Variants in NR0B1 observed in about 807,000 individuals in gnomAD.
The protein encoded by NR0B1 is DSS-AHC critical region on the X chromosome protein 1.
Under a neutral mutation model 23.0 loss-of-function variants are expected in NR0B1, and 3 were observed. The observed-to-expected ratio is 0.13, with a 90% CI of 0.06 to 0.34. NR0B1 has a LOEUF of 0.34. NR0B1 is among the 10% of genes least tolerant of loss of function. The pLI, the probability that NR0B1 is intolerant of heterozygous loss-of-function variation, is 1.00. For synonymous variants in NR0B1, 205 were observed against 184.0 expected, an observed-to-expected ratio of 1.11 and a Z score of -0.92; for missense variants, 350 against 402.9, an observed-to-expected ratio of 0.87 and a Z score of 1.12.
intron 1 of NR0B1, among the ~76,000 whole-genome samples, chrX:30,307,712 C>G (rs1453398849): frequency 9.0e-6 from 1 of 111,414 alleles, no homozygotes; most frequent in Admixed American, 9.5e-5. Flanking sequence ...AATAGTCTCT[C>G]TATGGGACCC....
At position 30,308,389 on chromosome X, in the gene NR0B1, C is replaced by T. The variant is rs1457795746; in HGVS notation, c.975G>A (p.Arg325=). The change falls in exon 1 of 2, where the codon CGG becomes CGA. Residue 325 remains arginine (R), a synonymous_variant. Coordinates refer to ENST00000378970, the MANE Select transcript of NR0B1 (RefSeq NM_000475.5). ...GTGGCTCGTTGCCCCCGGTCTCCCG[C>T]CGCCTGGTGGTGAGGATCTTCTGCA... The part of the protein sequence containing the change: ...SMLQKILTTR[R]RETGGNEPLP... 2 of 1,208,770 alleles carry T rather than the reference C, an allele frequency of 1.7e-6. No homozygotes were observed. The highest frequency in any genetic ancestry group is 3.5e-5 in the South Asian group (2 of 56,668).
Position 30,304,714 on chromosome X carries a change from G to A in NR0B1, c.1278C>T (p.Phe426=), listed in dbSNP as rs1468067841. The change falls in exon 2 of 2, where the codon TTC becomes TTT. Residue 426 remains phenylalanine (F), a synonymous_variant. Coordinates refer to ENST00000378970, the MANE Select transcript of NR0B1 (RefSeq NM_000475.5). ...RMTHQGPHDR[F]IELNSTLFLL... is the part of the protein sequence containing the mutation. ...GGAAAAGGGTACTATTAAGTTCGAT[G>A]AATCTGTCATGGGGCCCTTGGTGCG... The A allele has an allele frequency of 8.3e-7, 1 of 1,211,394 alleles. No individual in the cohort carries two copies. Among genetic ancestry groups the A allele is most frequent in the South Asian group, 1.8e-5 (1 of 56,952 alleles).
At chrX:30,307,685 C>T (rs960787383) in intron 1 of NR0B1, among the ~76,000 whole-genome samples, 5 of 111,344 alleles carry the variant, frequency 4.5e-5, no homozygotes, top group African/African-American at 1.6e-4. Flanking sequence ...CATCTAGTGT[C>T]TTGTGTGTCC....
chrX:30,306,658 G>T (rs1926525255), intron 1 of NR0B1, among the ~76,000 whole-genome samples: 1 of 109,621 alleles, frequency 9.1e-6, no homozygotes, highest in Admixed American at 9.8e-5. Flanking sequence ...TGTTGATACT[G>T]AAACTAATGG....
At chrX:30,306,449 G>T (rs775022530) in intron 1 of NR0B1, among the ~76,000 whole-genome samples, 14 of 111,427 alleles carry the variant, frequency 1.3e-4, no homozygotes, top group Admixed American at 1.9e-4. Flanking sequence ...GCAAAGAGAG[G>T]CCACACTCTT....
intron 1 of NR0B1, chrX:30,305,632 T>C (rs1926504594): frequency 6.2e-6 from 2 of 322,656 alleles, no homozygotes; most frequent in Admixed American, 6.3e-5. Context: ...TGCAGTATAG[T>C]GTGATACCGA....
At chrX:30,305,703 A>G in intron 1 of NR0B1, 1 of 387,171 alleles carries the variant, frequency 2.6e-6, no homozygotes, top group East Asian at 4.8e-5. Flanking sequence ...TTATAAGGAA[A>G]GTAATAAGAG....
In NR0B1 at chrX:30,309,151, T is replaced by C. The variant is rs1307204443; in HGVS notation, c.213A>G (p.Lys71=). Residue 71 remains lysine (K), a synonymous_variant, in exon 1 of 2, where the codon AAA becomes AAG. Coordinates refer to ENST00000378970, the MANE Select transcript of NR0B1 (RefSeq NM_000475.5). ...GGATGCTGCCCTGCCGTGGGTGGTC[T>C]TTACCGCAAAAGCAGCAGCGGTACA... ...ALLYRCCFCG[K]DHPRQGSILY... 6 of 1,193,891 alleles carry C rather than the reference T, an allele frequency of 5.0e-6. No individual in the cohort carries two copies. The highest frequency in any genetic ancestry group is 3.4e-6 in the Non-Finnish European group (3 of 889,130).
chrX:30,307,461 G>A (rs768758573), intron 1 of NR0B1, among the ~76,000 whole-genome samples: 1 of 111,240 alleles, frequency 9.0e-6, no homozygotes, highest in East Asian at 2.8e-4. Flanking sequence ...AAAATGGGGT[G>A]GGGGGAGGCT....
chrX:30,308,884 C>T lies in NR0B1; in HGVS notation c.480G>A (p.Pro160=). 3 of 1,175,287 alleles carry T rather than the reference C, an allele frequency of 2.6e-6. No individual in the cohort carries two copies. Among genetic ancestry groups the T allele is most frequent in the Non-Finnish European group, 3.4e-6 (3 of 876,589 alleles). ...CCCCTGGCCGTGCCTCGGGCGCTGC[C>T]GGAGCCACGTGCGTTTGCTTTGAGC... is the stretch of plus-strand genomic sequence containing the variant. ...LTSSKQTHVA[P]AAPEARPGGA... Residue 160 remains proline (P), a synonymous_variant, in exon 1 of 2, where the codon CCG becomes CCA. Coordinates refer to ENST00000378970, the MANE Select transcript of NR0B1 (RefSeq NM_000475.5).
chrX:30,309,280 C>G lies in NR0B1; in HGVS notation c.84G>C (p.Glu28Asp). ...MSAKQTRAAP[E>D]APETRLVDQC... is the part of the protein sequence containing the mutation. ...GATCCACCAGCCGCGTCTCTGGAGCCTCAGGAGCCGCGCGCGTTTGCTTCG... is the reference window on the plus strand; with the variant it reads ...GATCCACCAGCCGCGTCTCTGGAGCGTCAGGAGCCGCGCGCGTTTGCTTCG... The change falls in exon 1 of 2, where the codon GAG (glutamate) becomes GAC (aspartate). Residue 28 changes from glutamate (E) to aspartate (D), a missense_variant. Glu to Asp is a conservative substitution (Grantham distance 45). This residue lies in a region of NR0B1 where 298 missense variants were observed against 314.0 expected (regional missense o/e 0.95). Transcript: ENST00000378970. 1 of 1,165,902 alleles carries G rather than the reference C, an allele frequency of 8.6e-7. No individual in the cohort carries two copies. Among genetic ancestry groups the G allele is most frequent in the Non-Finnish European group, 1.2e-6 (1 of 862,861 alleles).
At chrX:30,308,128 C>G (rs919187086) in intron 1 of NR0B1, 68 bp downstream of exon 1, 5 of 912,499 alleles carry the variant, frequency 5.5e-6, no homozygotes, top group Non-Finnish European at 8.0e-6. Context: ...TGCCCGCGCC[C>G]CTAGATAGGC....
intron 1 of NR0B1, among the ~76,000 whole-genome samples, chrX:30,306,138 T>C (rs1057031361): frequency 1.8e-5 from 2 of 111,561 alleles, no homozygotes; most frequent in African/African-American, 6.5e-5. Context: ...TCGATGAAAG[T>C]AGGAAGAGGC....
At chrX:30,307,817 G>C (rs775330472) in intron 1 of NR0B1, among the ~76,000 whole-genome samples, 1 of 112,321 alleles carries the variant, frequency 8.9e-6, no homozygotes, top group African/African-American at 3.2e-5. Flanking sequence ...AGAAATCGAT[G>C]TTGCAGAATC....
Position 30,304,615 on chromosome X carries a change from A to G in NR0B1, c.1377T>C (p.Asp459=). 1 of 1,210,934 alleles carries G rather than the reference A, an allele frequency of 8.3e-7. No homozygotes were observed. ...FRPIIGTVSM[D]DMMLEMLCTK... is the part of the protein sequence containing the mutation. ...TACAGAGCATTTCCAGCATCATATC[A>G]TCCATGCTGACTGTGCCGATGATGG... Residue 459 remains aspartate (D), a synonymous_variant, in exon 2 of 2, where the codon GAT becomes GAC. Coordinates refer to ENST00000378970, the MANE Select transcript of NR0B1 (RefSeq NM_000475.5).
In NR0B1 at chrX:30,308,886, G is replaced by C; in HGVS notation, c.478C>G (p.Pro160Ala). ...CCTGGCCGTGCCTCGGGCGCTGCCG[G>C]AGCCACGTGCGTTTGCTTTGAGCTA... Reference protein sequence around the residue: ...LTSSKQTHVAPAAPEARPGGA... With the variant: ...LTSSKQTHVAAAAPEARPGGA... Residue 160 changes from proline to alanine, a missense_variant, in exon 1 of 2, where the codon CCG (proline) becomes GCG (alanine). This residue lies in a region of NR0B1 where 298 missense variants were observed against 314.0 expected (regional missense o/e 0.95). Coordinates refer to ENST00000378970, the MANE Select transcript of NR0B1 (RefSeq NM_000475.5). The C allele has an allele frequency of 1.7e-6, 2 of 1,175,628 alleles. No homozygotes were observed. Among genetic ancestry groups the C allele is most frequent in the Non-Finnish European group, 2.3e-6 (2 of 876,593 alleles).
At chrX:30,305,044 C>T (rs1488794112) in intron 1 of NR0B1, among the ~76,000 whole-genome samples, 1 of 112,573 alleles carries the variant, frequency 8.9e-6, no homozygotes, top group Non-Finnish European at 1.9e-5. Flanking sequence ...TCTATGCACA[C>T]GTTTGCAAAT....
chrX:30,306,301 A>G (rs972794522), intron 1 of NR0B1, among the ~76,000 whole-genome samples: 2 of 111,473 alleles, frequency 1.8e-5, no homozygotes, highest in African/African-American at 6.5e-5. Context: ...CCCCACACAG[A>G]GACACACAAA....
At chrX:30,306,577 A>ATG (rs58777171) in intron 1 of NR0B1, among the ~76,000 whole-genome samples, 10,418 of 92,198 alleles carry the variant, frequency 0.11, 520 homozygotes, top group Admixed American at 0.2. Flanking sequence ...ATAAGGAAGA[A>ATG]TGTGTGTGTG....
Sources: gnomAD v4.1 joint callset for allele counts (sites outside exome capture counted in the v4.1 genomes callset) on GRCh38, gnomAD v4.1.1 for gene constraint, gnomAD v4.1.1 regional missense constraint, MANE v1.5 for transcripts, NCBI Gene and HGNC (gene_info 2026-07-23, HGNC 2026-07-21) for gene names.